Variants in MEGF10 observed in about 807,000 individuals in gnomAD.
MEGF10 encodes multiple epidermal growth factor-like domains protein 10.
MEGF10 carries 86 observed loss-of-function variants against 147.5 expected under a neutral mutation model. That is an observed-to-expected ratio of 0.58 (90% CI 0.49 to 0.70). MEGF10 has a LOEUF of 0.70. Among genes scored for constraint, MEGF10 ranks in the 30% least tolerant of loss-of-function variants. The probability of loss-of-function intolerance (pLI) is 0.00; values close to 1 mark genes in which losing one functional copy is unlikely to be tolerated. For synonymous variants in MEGF10, 478 were observed against 525.5 expected, an observed-to-expected ratio of 0.91 and a Z score of 1.24; for missense variants, 1,329 against 1,487.3, an observed-to-expected ratio of 0.89 and a Z score of 1.75.
chr5:127,431,113 A>G (rs1765375463), intron 13 of MEGF10, among the ~76,000 whole-genome samples: 1 of 152,338 alleles, frequency 6.6e-6, no homozygotes, highest in African/African-American at 2.4e-5. Context: ...TCTTCTTGCT[A>G]TAGGGTGGGC....
At chr5:127,342,186 G>C (rs1324770697) in intron 4 of MEGF10, among the ~76,000 whole-genome samples, 3 of 152,076 alleles carry the variant, frequency 2.0e-5, no homozygotes, top group African/African-American at 7.2e-5. Flanking sequence ...AGTGGCCCAG[G>C]CTGATGGGAA....
chr5:127,433,319 C>T (rs371621417), intron 13 of MEGF10, 44 bp from the exon 14 acceptor site: 148 of 1,613,484 alleles, frequency 9.2e-5, no homozygotes, highest in Admixed American at 2.7e-4. Context: ...GCGGAAACTC[C>T]GCACTGCCTC....
chr5:127,249,381 A>T, the MEGF10 span, among the ~76,000 whole-genome samples: 1 of 151,780 alleles, frequency 6.6e-6, no homozygotes, highest in Non-Finnish European at 1.5e-5. Flanking sequence ...GAGGAGGAGG[A>T]GGAGAAGAGA....
At chr5:127,264,865 T>C in the MEGF10 span, among the ~76,000 whole-genome samples, 6 of 152,166 alleles carry the variant, frequency 3.9e-5, no homozygotes, top group Non-Finnish European at 8.8e-5. Flanking sequence ...GTTTGTTACA[T>C]AGGTAAACGT....
the MEGF10 span, among the ~76,000 whole-genome samples, chr5:127,245,737 A>G: frequency 6.6e-6 from 1 of 152,234 alleles, no homozygotes; most frequent in Non-Finnish European, 1.5e-5. Context: ...TCCAGAATCT[A>G]TAGGGAACTT....
chr5:127,254,248 G>A, the MEGF10 span, among the ~76,000 whole-genome samples: 5,545 of 151,864 alleles, frequency 0.037, 157 homozygotes, highest in South Asian at 0.095. Context: ...ACCAGTCTCC[G>A]TCCCCCAACT....
At position 127,370,941 on chromosome 5, in the gene MEGF10, G is replaced by A. The variant is rs190630661; in HGVS notation, c.412+939G>A. 1.0e-3 allele frequency among the ~76,000 whole-genome samples: 159 copies of A among 152,242 alleles called. 2 individuals are homozygous for A. In the East Asian group the frequency reaches 0.026, roughly 25 times the overall value. On this transcript the variant is annotated intron_variant, in intron 5 of 24. Coordinates refer to ENST00000503335, the MANE Select transcript of MEGF10 (RefSeq NM_001256545.2). ...CGCATGAGAGCACACATTTCTCTTC[G>A]TTGCCACCAAGTAATTTTTTGAAAT... is the stretch of plus-strand genomic sequence containing the variant.
chr5:127,266,992 C>G, the MEGF10 span, among the ~76,000 whole-genome samples: 1,409 of 152,290 alleles, frequency 9.3e-3, 15 homozygotes, highest in African/African-American at 0.03. Flanking sequence ...GCATCCCTGT[C>G]TTGTGCCAGT....
At chr5:127,300,268 T>G (rs1042544433) in intron 1 of MEGF10, among the ~76,000 whole-genome samples, 1 of 152,224 alleles carries the variant, frequency 6.6e-6, no homozygotes, top group African/African-American at 2.4e-5. Flanking sequence ...GCTCCCCATT[T>G]GTGTGATATA....
intron 1 of MEGF10, among the ~76,000 whole-genome samples, chr5:127,319,316 T>C (rs1012970354): frequency 3.9e-5 from 6 of 152,188 alleles, no homozygotes; most frequent in African/African-American, 1.4e-4. Context: ...CCTCAAGTGA[T>C]CCACCTACCT....
intron 5 of MEGF10, among the ~76,000 whole-genome samples, chr5:127,373,123 C>T (rs1046310553): frequency 1.8e-4 from 27 of 151,946 alleles, no homozygotes; most frequent in Non-Finnish European, 3.7e-4. Context: ...TTTTGTTGCC[C>T]AGGTCATTCC....
At chr5:127,446,482 T>C (rs1164138604) in intron 20 of MEGF10, among the ~76,000 whole-genome samples, 1 of 152,038 alleles carries the variant, frequency 6.6e-6, no homozygotes, top group Non-Finnish European at 1.5e-5. Context: ...AGTTGCAGAG[T>C]AGCTTCAAAT....
intron 22 of MEGF10, among the ~76,000 whole-genome samples, chr5:127,453,283 C>A (rs1363687013): frequency 6.6e-6 from 1 of 152,178 alleles, no homozygotes; most frequent in African/African-American, 2.4e-5. Flanking sequence ...TCTTGAACTC[C>A]TGGGCTCAAG....
chr5:127,450,168 A>C (rs1345104602), intron 22 of MEGF10, among the ~76,000 whole-genome samples: 1 of 152,194 alleles, frequency 6.6e-6, no homozygotes, highest in Non-Finnish European at 1.5e-5. Context: ...TCCACTGTAC[A>C]CTTGAAAGAG....
intron 24 of MEGF10, 119 bp downstream of exon 24, chr5:127,455,726 T>C: frequency 3.0e-6 from 2 of 674,848 alleles, no homozygotes; most frequent in Non-Finnish European, 4.7e-6. Flanking sequence ...ATGGTCCGTA[T>C]TTTATTTTAT....
chr5:127,406,347 A>G (rs1200951612), intron 8 of MEGF10, among the ~76,000 whole-genome samples: 1 of 152,206 alleles, frequency 6.6e-6, no homozygotes, highest in Non-Finnish European at 1.5e-5. Context: ...CTGCTCTTGT[A>G]ACTATTGTTT....
chr5:127,419,948 CA>C (rs1764927384), intron 11 of MEGF10, 95 bp from the exon 12 acceptor site: 1 of 1,403,992 alleles, frequency 7.1e-7, no homozygotes, highest in Non-Finnish European at 9.6e-7. Flanking sequence ...CTTGCATCTC[CA>C]AGGCGTTTCT....
chr5:127,421,788 T>C (rs1425248368), intron 12 of MEGF10, among the ~76,000 whole-genome samples: 3 of 151,926 alleles, frequency 2.0e-5, no homozygotes, highest in Non-Finnish European at 4.4e-5. Context: ...TGGCAACTTA[T>C]GGCAATGAAC....
chr5:127,373,664 G>C (rs1762925258), intron 5 of MEGF10, among the ~76,000 whole-genome samples: 1 of 152,240 alleles, frequency 6.6e-6, no homozygotes, highest in South Asian at 2.1e-4. Flanking sequence ...GCAACACAGA[G>C]TAACTGGAAA....
Sources: gnomAD v4.1 joint callset for allele counts (sites outside exome capture counted in the v4.1 genomes callset) on GRCh38, gnomAD v4.1.1 for gene constraint, MANE v1.5 for transcripts, NCBI Gene and HGNC (gene_info 2026-07-23, HGNC 2026-07-21) for gene names.